Variants in MACC1 observed in about 807,000 individuals in gnomAD.
MACC1 encodes the protein metastasis-associated in colon cancer protein 1.
MACC1 carries 79 observed loss-of-function variants against 70.7 expected under a neutral mutation model. That is an observed-to-expected ratio of 1.12 (90% confidence interval 0.93 to 1.35). The LOEUF (loss-of-function observed/expected upper bound fraction) is 1.35. Among genes scored for constraint, MACC1 ranks in the 40% most tolerant of loss-of-function variants. The pLI is 0.00. For missense variants in MACC1, 1,106 were observed against 978.1 expected, an observed-to-expected ratio of 1.13 and a Z score of -1.74; for synonymous variants, 361 against 347.2, an observed-to-expected ratio of 1.04 and a Z score of -0.44.
chr7:20,142,196 A>T (rs1163431060), intron 6 of MACC1, among the ~76,000 whole-genome samples: 1 of 152,190 alleles, frequency 6.6e-6, no homozygotes, highest in East Asian at 1.9e-4. Flanking sequence ...GTAATATCAC[A>T]TGAACTAAAG....
chr7:20,190,662 A>C (rs1011672010), intron 1 of MACC1, among the ~76,000 whole-genome samples: 2 of 152,224 alleles, frequency 1.3e-5, no homozygotes, highest in Non-Finnish European at 2.9e-5. Flanking sequence ...AAAATTGGTT[A>C]GTTTTTATCA....
intron 1 of MACC1, among the ~76,000 whole-genome samples, chr7:20,198,014 G>A (rs1401813021): frequency 6.6e-6 from 1 of 152,124 alleles, no homozygotes; most frequent in African/African-American, 2.4e-5. Context: ...CCACCCTCTG[G>A]TGGTGAAACC....
chr7:20,214,053 G>A (rs927385994), intron 1 of MACC1, among the ~76,000 whole-genome samples: 2 of 151,632 alleles, frequency 1.3e-5, no homozygotes, highest in African/African-American at 4.9e-5. Flanking sequence ...ATTTATTCAT[G>A]TTCAGCTTAT....
chr7:20,178,184 A>G (rs1161155697), intron 1 of MACC1, among the ~76,000 whole-genome samples: 1 of 152,136 alleles, frequency 6.6e-6, no homozygotes, highest in Admixed American at 6.5e-5. Context: ...ATACTCTAAA[A>G]CAAAAAATGA....
chr7:20,190,590 G>A (rs1478164399), intron 1 of MACC1, among the ~76,000 whole-genome samples: 1 of 152,166 alleles, frequency 6.6e-6, no homozygotes, highest in Non-Finnish European at 1.5e-5. Flanking sequence ...ACAGCCTGCA[G>A]AGATAATCCT....
intron 1 of MACC1, among the ~76,000 whole-genome samples, chr7:20,212,443 C>T (rs1342604303): frequency 6.6e-6 from 1 of 152,158 alleles, no homozygotes; most frequent in Non-Finnish European, 1.5e-5. Flanking sequence ...CAAGAGAAAA[C>T]AAAACCTGGG....
In MACC1 at chr7:20,137,893, C is replaced by T. The variant is rs983043017; in HGVS notation, c.*3053G>A. 3 of 152,068 alleles carry T rather than the reference C, an allele frequency of 2.0e-5. No individual in the cohort carries two copies. The highest frequency in any genetic ancestry group is 7.2e-5 in the African/African-American group (3 of 41,422). 9.4% of individuals were successfully genotyped at this position (152,068 alleles called of 1,614,324 possible). A position where few individuals can be genotyped will look rare whatever the true frequency, so the allele number is the denominator to read the frequency against. ...GAAGGCTGGGAGCAGTGGCTCATGCCTGTAATCCTAGCACTCTGGGAGGCC... is the reference window on the plus strand; with the variant it reads ...GAAGGCTGGGAGCAGTGGCTCATGCTTGTAATCCTAGCACTCTGGGAGGCC... On this transcript the variant is annotated 3_prime_UTR_variant, in exon 7 of 7. Coordinates refer to ENST00000400331, the MANE Select transcript of MACC1 (RefSeq NM_182762.4).
At chr7:20,171,108 A>AT (rs1408883682) in intron 1 of MACC1, among the ~76,000 whole-genome samples, 5 of 152,206 alleles carry the variant, frequency 3.3e-5, no homozygotes, top group African/African-American at 1.2e-4. Flanking sequence ...ATGTGTGCAT[A>AT]TATCTATTCA....
intron 1 of MACC1, among the ~76,000 whole-genome samples, chr7:20,194,287 T>G (rs1782716721): frequency 1.3e-5 from 2 of 152,076 alleles, no homozygotes; most frequent in South Asian, 4.1e-4. Context: ...AAGAAAAGAA[T>G]TAAAAGGAAA....
intron 1 of MACC1, among the ~76,000 whole-genome samples, chr7:20,174,820 T>G (rs1028867980): frequency 6.6e-6 from 1 of 152,126 alleles, no homozygotes; most frequent in African/African-American, 2.4e-5. Context: ...CCTTTGCCTT[T>G]CAAGAACAAT....
intron 1 of MACC1, among the ~76,000 whole-genome samples, chr7:20,198,890 G>T (rs1212916825): frequency 1.3e-5 from 2 of 152,196 alleles, no homozygotes; most frequent in East Asian, 3.8e-4. Context: ...GATCCACCAA[G>T]GATGCCTAAC....
At chr7:20,144,706 A>G (rs564794342) in intron 6 of MACC1, among the ~76,000 whole-genome samples, 1 of 152,278 alleles carries the variant, frequency 6.6e-6, no homozygotes, top group African/African-American at 2.4e-5. Context: ...GTATCTGATA[A>G]AAAATTACAG....
chr7:20,150,000 G>A (rs1007475442), intron 6 of MACC1, among the ~76,000 whole-genome samples: 4 of 152,142 alleles, frequency 2.6e-5, no homozygotes, highest in Non-Finnish European at 5.9e-5. Flanking sequence ...TATGTAAAGA[G>A]CAGATGGCTA....
intron 1 of MACC1, among the ~76,000 whole-genome samples, chr7:20,195,334 T>G (rs1280128285): frequency 1.3e-5 from 2 of 152,222 alleles, no homozygotes; most frequent in African/African-American, 4.8e-5. Flanking sequence ...CATAAAAGAT[T>G]ATAGCCTTCA....
intron 2 of MACC1, chr7:20,170,278 A>G (rs1346343792): frequency 1.3e-5 from 2 of 152,256 alleles, no homozygotes; most frequent in Non-Finnish European, 2.9e-5. Flanking sequence ...ATATATCTCA[A>G]TAAAGCTTTT....
At chr7:20,157,620 TA>T (rs377372670) in intron 5 of MACC1, among the ~76,000 whole-genome samples, 15,978 of 137,316 alleles carry the variant, frequency 0.12, 904 homozygotes, top group Middle Eastern at 0.18. Context: ...ACTCATCCCT[TA>T]AAAAAAAAAA....
intron 1 of MACC1, among the ~76,000 whole-genome samples, chr7:20,193,058 C>A (rs1187835966): frequency 6.6e-6 from 1 of 152,058 alleles, no homozygotes; most frequent in Non-Finnish European, 1.5e-5. Flanking sequence ...AAACTTTAGG[C>A]CCCGCAAAAT....
intron 1 of MACC1, among the ~76,000 whole-genome samples, chr7:20,207,439 A>T (rs1320077285): frequency 6.6e-6 from 1 of 152,054 alleles, no homozygotes; most frequent in Non-Finnish European, 1.5e-5. Context: ...GGCATGAGCC[A>T]CTGGGCTCAG....
At chr7:20,181,080 CTGTGTG>C (rs59476252) in intron 1 of MACC1, among the ~76,000 whole-genome samples, 40 of 149,184 alleles carry the variant, frequency 2.7e-4, no homozygotes, top group Middle Eastern at 3.5e-3. Flanking sequence ...TGTATGTGCT[CTGTGTG>C]TGTGTGTGTG....
Sources: gnomAD v4.1 joint callset for allele counts (sites outside exome capture counted in the v4.1 genomes callset) on GRCh38, gnomAD v4.1.1 for gene constraint, MANE v1.5 for transcripts, NCBI Gene and HGNC (gene_info 2026-07-23, HGNC 2026-07-21) for gene names.